The following TRPV5 variants were observed in gnomAD, a reference collection of about 807,000 sequenced individuals.
TRPV5 encodes the protein transient receptor potential cation channel subfamily V member 5, also known as calcium transport protein 2.
Under a neutral mutation model 74.1 loss-of-function variants are expected in TRPV5, and 66 were observed. The ratio of observed to expected loss-of-function variants is 0.89; its 90% CI spans 0.73 to 1.09. The LOEUF (loss-of-function observed/expected upper bound fraction) is 1.09, where lower values mean the gene tolerates loss of function less well. Ranked by LOEUF, TRPV5 falls within the 50% of genes least tolerant of loss-of-function variation. The pLI is 0.00. For missense variants in TRPV5, 936 were observed against 930.4 expected, an observed-to-expected ratio of 1.01 and a Z score of -0.08; for synonymous variants, 399 against 360.7, an observed-to-expected ratio of 1.11 and a Z score of -1.20.
chr7:142,908,248 C>A lies in TRPV5; in HGVS notation c.*266G>T, dbSNP rs1795640143. ...TCCTGACATTAATCTAGCATCCCTG[C>A]CTCATGTCTTTAGTTGCCAACCTCC... is the stretch of plus-strand genomic sequence containing the variant. On this transcript the variant is annotated 3_prime_UTR_variant, in exon 15 of 15. Coordinates refer to ENST00000265310, the MANE Select transcript of TRPV5 (RefSeq NM_019841.7). 1 of 555,132 alleles carries A rather than the reference C, an allele frequency of 1.8e-6. No individual in the cohort carries two copies. 34.4% of individuals were successfully genotyped at this position (555,132 alleles called of 1,614,324 possible). A position where few individuals can be genotyped will look rare whatever the true frequency, so the allele number is the denominator to read the frequency against.
chr7:142,915,121 G>A (rs1348478145), intron 10 of TRPV5, 75 bp from the exon 11 acceptor site: 3 of 1,563,778 alleles, frequency 1.9e-6, no homozygotes, highest in South Asian at 2.3e-5. Flanking sequence ...TGGTGACCGG[G>A]GTGGTATCCA....
rs775970588 is a variant in TRPV5 at position 142,915,499 on chromosome 7, T to G, written c.1192A>C (p.Ile398Leu). 4 of 1,614,140 alleles carry G rather than the reference T, an allele frequency of 2.5e-6. No individual in the cohort carries two copies. The highest frequency in any genetic ancestry group is 3.4e-6 in the Non-Finnish European group (4 of 1,180,012). ...GELVSIVGAV[I>L]ILLLEIPDIF... Reference sequence around the variant, plus strand: ...CCCCTCACCTCTAGGAGCAGGATGATCACAGCCCCAACGATGCTCACCAGC... The same window carrying G: ...CCCCTCACCTCTAGGAGCAGGATGAGCACAGCCCCAACGATGCTCACCAGC... The change falls in exon 9 of 15, where the codon ATC (isoleucine) becomes CTC (leucine). Residue 398 changes from isoleucine to leucine, a missense_variant. Physicochemically the swap from Ile to Leu is conservative, Grantham distance 5. Transcript: ENST00000265310.
chr7:142,928,798 G>A lies in TRPV5; in HGVS notation c.655C>T (p.Leu219=), dbSNP rs1796033827. ...KTFACQMYNL[L]LSYDGHGDHL... The stretch of plus-strand genomic sequence containing the variant: ...TCCCCATGTCCATCATAGGACAGCA[G>A]CAGGTTGTACATCTGGCAGGCAAAG... Residue 219 remains leucine, a synonymous_variant, in exon 6 of 15, where the codon CTG becomes TTG. Coordinates refer to ENST00000265310, the MANE Select transcript of TRPV5 (RefSeq NM_019841.7). The A allele has an allele frequency of 1.9e-6, 3 of 1,614,066 alleles. No homozygotes were observed. Among genetic ancestry groups the A allele is most frequent in the Middle Eastern group, 1.6e-4 (1 of 6,084 alleles).
In TRPV5 at chr7:142,933,517, G is replaced by C; in HGVS notation, c.-58C>G. 2 of 1,578,292 alleles carry C rather than the reference G, an allele frequency of 1.3e-6. No individual in the cohort carries two copies. Among genetic ancestry groups the C allele is most frequent in the Non-Finnish European group, 1.7e-6 (2 of 1,163,716 alleles). ...AAATGTGGCGAAAGAAACAGGTCTAGGATGACAGCAACTGAGCAAGAGATG... is the reference window on the plus strand; with the variant it reads ...AAATGTGGCGAAAGAAACAGGTCTACGATGACAGCAACTGAGCAAGAGATG... On this transcript the variant is annotated 5_prime_UTR_variant, in exon 1 of 15. Coordinates refer to ENST00000265310, the MANE Select transcript of TRPV5 (RefSeq NM_019841.7).
chr7:142,924,331 TATATACATATATATATATATAG>T lies in TRPV5; in HGVS notation c.1122+1176_1122+1197del, dbSNP rs1795941231. Among the ~76,000 whole-genome samples the T allele has an allele frequency of 3.0e-3, 17 of 5,730 alleles. 2 individuals carry two copies. Among genetic ancestry groups the T allele is most frequent in the South Asian group, 6.4e-3 (3 of 472 alleles). The allele number at this position is 5,730 out of a possible 152,430, so 3.8% of individuals were successfully genotyped here. A position where few individuals can be genotyped will look rare whatever the true frequency, so the allele number is the denominator to read the frequency against. On this transcript the variant is annotated intron_variant, in intron 8 of 14. Coordinates refer to ENST00000265310, the MANE Select transcript of TRPV5 (RefSeq NM_019841.7). ...ATATATACACACATATACATGTATA[TATATACATATATATATATATAG>T]ACATATACATGTATATATATACATA...
chr7:142,910,118 AC>A (rs1795679904), intron 13 of TRPV5, among the ~76,000 whole-genome samples: 1 of 152,214 alleles, frequency 6.6e-6, no homozygotes, highest in Non-Finnish European at 1.5e-5. Context: ...CTCATTAATT[AC>A]TTAGATGAAA....
In TRPV5 at chr7:142,912,837, GATCTATCT is replaced by G. The variant is rs3840678; in HGVS notation, c.1520-95_1520-88del. 2,170 of 734,858 alleles carry G rather than the reference GATCTATCT, an allele frequency of 3.0e-3. 12 individuals carry two copies. The highest frequency in any genetic ancestry group is 5.8e-3 in the Middle Eastern group (15 of 2,568). The allele number at this position is 734,858 out of a possible 1,614,324, so 45.5% of individuals were successfully genotyped here. ...CATGGTTAGCACTTATTCTATCTCT[GATCTATCT>G]ATCTATCTATCTATCTATCTATCTA... On this transcript the variant is annotated intron_variant, in intron 12 of 14. Transcript: ENST00000265310.
In TRPV5 at chr7:142,924,315, C is replaced by CATGTATATATATACATATATATAT. The variant is rs1795940394; in HGVS notation, c.1122+1213_1122+1214insATATATATATGTATATATATACAT. Among the ~76,000 whole-genome samples, 18 of 16,744 alleles carry CATGTATATATATACATATATATAT rather than the reference C, an allele frequency of 1.1e-3. 2 individuals carry two copies. The highest frequency in any genetic ancestry group is 3.1e-3 in the African/African-American group (15 of 4,762). 11.0% of individuals were successfully genotyped at this position (16,744 alleles called of 152,430 possible). ...GTATATATATACATATATATATACA[C>CATGTATATATATACATATATATAT]ACATATACATGTATATATATACATA... On this transcript the variant is annotated intron_variant, in intron 8 of 14. Coordinates refer to ENST00000265310, the MANE Select transcript of TRPV5 (RefSeq NM_019841.7).
rs886265995 is a variant in TRPV5, at chr7:142,915,465, C to T, written c.1209+17G>A. 2.5e-6 allele frequency: 4 copies of T among 1,613,096 alleles called. No homozygotes were observed. The highest frequency in any genetic ancestry group is 1.7e-5 in the Admixed American group (1 of 59,926). ...TTAGATGGGATGGGATTAGCCTGGACCCCGCCTGCCCCTCACCTCTAGGAG... is the reference window on the plus strand; with the variant it reads ...TTAGATGGGATGGGATTAGCCTGGATCCCGCCTGCCCCTCACCTCTAGGAG... On this transcript the variant is annotated intron_variant, in intron 9 of 14. Transcript: ENST00000265310.
intron 8 of TRPV5, among the ~76,000 whole-genome samples, chr7:142,923,073 TA>T (rs1205510206): frequency 6.6e-6 from 1 of 152,160 alleles, no homozygotes; most frequent in Non-Finnish European, 1.5e-5. Context: ...GAAAGGATCT[TA>T]GGGGTGATGG....
chr7:142,914,631 G>T lies in TRPV5; in HGVS notation c.1519+9C>A, dbSNP rs770358673. ...TGCTGATCTAGTAGAGGAGTGTATG[G>T]TGCCTTACCGGAGGCAAATCCCAAG... is the stretch of plus-strand genomic sequence containing the variant. On this transcript the variant is annotated intron_variant, in intron 12 of 14. Coordinates refer to ENST00000265310, the MANE Select transcript of TRPV5 (RefSeq NM_019841.7). 4.3e-5 allele frequency: 70 copies of T among 1,612,006 alleles called. No homozygotes were observed. Among genetic ancestry groups the T allele is most frequent in the Admixed American group, 8.4e-5 (5 of 59,784 alleles).
intron 8 of TRPV5, 152 bp downstream of exon 8, chr7:142,925,377 C>G (rs1299064804): frequency 8.3e-6 from 6 of 720,640 alleles, no homozygotes; most frequent in Non-Finnish European, 1.2e-5. Context: ...TCTGTGGCCT[C>G]CTGGTCTCAT....
intron 8 of TRPV5, among the ~76,000 whole-genome samples, chr7:142,915,968 C>T (rs529167763): frequency 5.3e-5 from 8 of 152,304 alleles, no homozygotes; most frequent in African/African-American, 1.9e-4. Flanking sequence ...CTCATCATGG[C>T]TTCTAGTGGG....
intron 8 of TRPV5, among the ~76,000 whole-genome samples, chr7:142,923,622 A>G (rs1795919706): frequency 6.6e-6 from 1 of 152,208 alleles, no homozygotes; most frequent in Admixed American, 6.5e-5. Context: ...TCACTGAAGC[A>G]GAAGGCAGAA....
At chr7:142,912,878 A>ATCTATCTATCTG in intron 12 of TRPV5, 128 bp from the exon 13 acceptor site, 1 of 1,111,250 alleles carries the variant, frequency 9.0e-7, no homozygotes, top group East Asian at 2.4e-5. Context: ...CTATCTATCT[A>ATCTATCTATCTG]TCTAAATACA....
At chr7:142,916,892 C>CT (rs1480768096) in intron 8 of TRPV5, among the ~76,000 whole-genome samples, 112,097 of 140,068 alleles carry the variant, frequency 0.8, 45,684 homozygotes, top group East Asian at 0.91. Flanking sequence ...TCAGTCAACA[C>CT]TTTTTTTTTT....
rs1254957279 is a variant in TRPV5 at position 142,930,198 on chromosome 7, A to T, written c.227-18T>A. 1 of 1,610,624 alleles carries T rather than the reference A, an allele frequency of 6.2e-7. No homozygotes were observed. Among genetic ancestry groups the T allele is most frequent in the Admixed American group, 1.7e-5 (1 of 58,960 alleles). On this transcript the variant is annotated intron_variant, in intron 2 of 14. Transcript: ENST00000265310. The stretch of plus-strand genomic sequence containing the variant: ...CAGGGCTCCTGGATTGGAGTAAGAC[A>T]GAGATGTTAGACACTTTTCAGATTC...
At chr7:142,915,165 A>C in intron 10 of TRPV5, 119 bp from the exon 11 acceptor site, 2 of 1,510,274 alleles carry the variant, frequency 1.3e-6, no homozygotes, top group East Asian at 4.5e-5. Flanking sequence ...CCTAAAACGC[A>C]CATACAGTTA....
At chr7:142,912,822 A>C in intron 12 of TRPV5, 72 bp from the exon 13 acceptor site, 6 of 1,473,512 alleles carry the variant, frequency 4.1e-6, no homozygotes, top group Non-Finnish European at 5.6e-6. Flanking sequence ...CATGGTTAGC[A>C]CTTATTCTAT....
Sources: gnomAD v4.1 joint callset for allele counts (sites outside exome capture counted in the v4.1 genomes callset) on GRCh38, gnomAD v4.1.1 for gene constraint, MANE v1.5 for transcripts, NCBI Gene and HGNC (gene_info 2026-07-23, HGNC 2026-07-21) for gene names.